CYP4V2: variants seen among roughly 807,000 people sequenced by gnomAD.
CYP4V2 encodes the protein cytochrome P450 4V2.
CYP4V2 carries 55 observed loss-of-function variants against 60.8 expected under a neutral mutation model. The ratio of observed to expected loss-of-function variants is 0.90; its 90% confidence interval spans 0.73 to 1.13. CYP4V2 has a LOEUF of 1.13. CYP4V2 is among the 50% of genes most tolerant of loss of function. The pLI is 0.00. For synonymous variants in CYP4V2, 239 were observed against 236.8 expected (o/e 1.01, Z -0.08); for missense variants, 675 against 662.9 (o/e 1.02, Z -0.20).
At chr4:186,201,044 A>C (rs1736290314) in intron 6 of CYP4V2, 113 bp from the exon 7 acceptor site, 2 of 1,106,026 alleles carry the variant, frequency 1.8e-6, no homozygotes, top group African/African-American at 1.6e-5. Context: ...GAAATGTTGA[A>C]ATAGGCTTAG....
intron 6 of CYP4V2, among the ~76,000 whole-genome samples, chr4:186,200,325 T>G (rs1736270378): frequency 6.6e-6 from 1 of 152,118 alleles, no homozygotes; most frequent in Non-Finnish European, 1.5e-5. Context: ...CCAAATTAAG[T>G]GTATTGGCCT....
intron 4 of CYP4V2, 139 bp downstream of exon 4, chr4:186,197,269 G>A: frequency 9.3e-7 from 1 of 1,078,182 alleles, no homozygotes; most frequent in South Asian, 1.4e-5. Flanking sequence ...CGACCGCACT[G>A]GCCTTCTGAG....
chr4:186,205,099 G>T, intron 7 of CYP4V2, 101 bp from the exon 8 acceptor site: 1 of 1,054,148 alleles, frequency 9.5e-7, no homozygotes. Flanking sequence ...CAGTCACAGT[G>T]CAGTCATCAA....
chr4:186,196,260 A>T, intron 3 of CYP4V2, 172 bp downstream of exon 3: 1 of 665,614 alleles, frequency 1.5e-6, no homozygotes, highest in Non-Finnish European at 2.7e-6. Flanking sequence ...TTTGCCCGTC[A>T]AGAGGCCAAG....
Position 186,195,065 on chromosome 4 carries a change from C to G in CYP4V2, c.327+453C>G, listed in dbSNP as rs967480418. On this transcript the variant is annotated intron_variant, in intron 2 of 10. Transcript: ENST00000378802. This position sits in a 1 kb window ranked among gnomAD's most constrained non-coding sequence, Gnocchi z 4.1. ...ATATTTATGGGATAAATATTACAAA[C>G]CCATGCTGTTGAAATTAGTCCTCCA... Among the ~76,000 whole-genome samples, 1 of 152,062 alleles carries G rather than the reference C, an allele frequency of 6.6e-6. No individual in the cohort carries two copies. Among genetic ancestry groups the G allele is most frequent in the African/African-American group, 2.4e-5 (1 of 41,384 alleles).
At chr4:186,209,319 G>A in intron 10 of CYP4V2, 47 bp downstream of exon 10, 5 of 1,611,268 alleles carry the variant, frequency 3.1e-6, no homozygotes, top group Non-Finnish European at 4.2e-6. Flanking sequence ...CCACTTGATG[G>A]TGGGTTTCTC....
chr4:186,192,012 G>C lies in CYP4V2; in HGVS notation c.189G>C (p.Ala63=). Residue 63 remains alanine (A), a synonymous_variant, in exon 1 of 11, where the codon GCG becomes GCC. Coordinates refer to ENST00000378802, the MANE Select transcript of CYP4V2 (RefSeq NM_207352.4). ...GCGCCTACCCACTGGTGGGCCACGC[G>C]CTGCTGATGAAGCCGGACGGGCGAG... is the stretch of plus-strand genomic sequence containing the variant. The part of the protein sequence containing the change: ...VARAYPLVGH[A]LLMKPDGREF... The C allele has an allele frequency of 6.3e-7, 1 of 1,582,874 alleles. No homozygotes were observed.
Position 186,196,489 on chromosome 4 carries a change from C to T in CYP4V2, c.413+401C>T, listed in dbSNP as rs1273637103. 4 of 309,766 alleles carry T rather than the reference C, an allele frequency of 1.3e-5. No individual in the cohort carries two copies. In the Admixed American group the frequency reaches 1.4e-4, roughly 11 times the overall value. 19.2% of individuals were successfully genotyped at this position (309,766 alleles called of 1,614,324 possible). On this transcript the variant is annotated intron_variant, in intron 3 of 10. Transcript: ENST00000378802. ...TGGTATCTAGAAACAGGGCTCCATC[C>T]TCTGAGAGAGGGCCCCACAAGAGCA...
Position 186,209,125 on chromosome 4 carries a change from G to GT in CYP4V2, c.1259dup (p.Ile421HisfsTer22). 6.2e-7 allele frequency: 1 copy of GT among 1,614,082 alleles called. No individual in the cohort carries two copies. Among genetic ancestry groups the GT allele is most frequent in the Non-Finnish European group, 8.5e-7 (1 of 1,180,018 alleles). Reference sequence around the variant, plus strand: ...CAGAGTTCTAAAAGGCACTGAAGCCGTCATCATTCCCTATGCATTGCACAG... The same window carrying GT: ...CAGAGTTCTAAAAGGCACTGAAGCCGTTCATCATTCCCTATGCATTGCACAG... On this transcript the variant is annotated frameshift_variant, in exon 10 of 11. Coordinates refer to ENST00000378802, the MANE Select transcript of CYP4V2 (RefSeq NM_207352.4). LOFTEE classifies it high-confidence loss of function.
At position 186,191,616 on chromosome 4, in the gene CYP4V2, C is replaced by T. The variant is rs1735979474; in HGVS notation, c.-208C>T. The T allele has an allele frequency of 5.6e-6, 2 of 359,026 alleles. No homozygotes were observed. Among genetic ancestry groups the T allele is most frequent in the Non-Finnish European group, 9.6e-6 (2 of 208,832 alleles). The allele number at this position is 359,026 out of a possible 1,614,324, so 22.2% of individuals were successfully genotyped here. A position where few individuals can be genotyped will look rare whatever the true frequency, so the allele number is the denominator to read the frequency against. Reference sequence around the variant, plus strand: ...GTGGAGGCCGCGGTGCTGCGTAGGCCGGGCCGGGCGCAGGAACAGCCCCGT... The same window carrying T: ...GTGGAGGCCGCGGTGCTGCGTAGGCTGGGCCGGGCGCAGGAACAGCCCCGT... On this transcript the variant is annotated 5_prime_UTR_variant, in exon 1 of 11. Transcript: ENST00000378802.
chr4:186,192,411 T>G, intron 1 of CYP4V2: 1 of 404,168 alleles, frequency 2.5e-6, no homozygotes, highest in Non-Finnish European at 4.8e-6. Flanking sequence ...GCCAACACCT[T>G]AACGCCCAGA....
chr4:186,196,019 C>G lies in CYP4V2; in HGVS notation c.344C>G (p.Ser115Ter). The G allele has an allele frequency of 6.2e-7, 1 of 1,613,612 alleles. No homozygotes were observed. The change falls in exon 3 of 11, where the codon TCA becomes TGA. Residue 115 changes from serine (S) to a stop codon, truncating the protein, a stop_gained. Transcript: ENST00000378802. LOFTEE classifies it high-confidence loss of function. ...CTTCCTAAGGTAATTTTAACTAGTTCAAAGCAAATTGACAAATCCTCTATG... is the reference window on the plus strand; with the variant it reads ...CTTCCTAAGGTAATTTTAACTAGTTGAAAGCAAATTGACAAATCCTCTATG... The part of the protein sequence containing the change: ...AENVEVILTS[S>*]KQIDKSSMYK...
At chr4:186,207,033 A>G (rs1471790163) in intron 8 of CYP4V2, among the ~76,000 whole-genome samples, 4 of 152,220 alleles carry the variant, frequency 2.6e-5, no homozygotes, top group East Asian at 1.9e-4. Context: ...CATCATTACT[A>G]GAAGCTTTGC....
At chr4:186,196,132 C>A in intron 3 of CYP4V2, 44 bp downstream of exon 3, 1 of 1,470,662 alleles carries the variant, frequency 6.8e-7, no homozygotes, top group Non-Finnish European at 9.5e-7. Flanking sequence ...GAAATGGTTA[C>A]TTCTACGTGC....
chr4:186,210,504 C>T lies in CYP4V2; in HGVS notation c.1441C>T (p.Leu481Phe). 1 of 1,614,186 alleles carries T rather than the reference C, an allele frequency of 6.2e-7. No homozygotes were observed. Among genetic ancestry groups the T allele is most frequent in the Non-Finnish European group, 8.5e-7 (1 of 1,180,032 alleles). Residue 481 changes from leucine to phenylalanine, a missense_variant, in exon 11 of 11, where the codon CTT becomes TTT. Physicochemically the swap from Leu to Phe is conservative, Grantham distance 22. Transcript: ENST00000378802. Reference sequence around the variant, plus strand: ...TGCTGTGATGGAAGAAAAGACCATTCTTTCGTGCATCCTGAGGCACTTTTG... The same window carrying T: ...TGCTGTGATGGAAGAAAAGACCATTTTTTCGTGCATCCTGAGGCACTTTTG... ...KFAVMEEKTILSCILRHFWIE... is the reference protein window; with the variant it reads ...KFAVMEEKTIFSCILRHFWIE...
At position 186,195,546 on chromosome 4, in the gene CYP4V2, G is replaced by A. The variant is rs566705043; in HGVS notation, c.328-457G>A. 3.3e-5 allele frequency among the ~76,000 whole-genome samples: 5 copies of A among 152,246 alleles called. No homozygotes were observed. Among genetic ancestry groups the A allele is most frequent in the South Asian group, 4.1e-4 (2 of 4,826 alleles). On this transcript the variant is annotated intron_variant, in intron 2 of 10. Coordinates refer to ENST00000378802, the MANE Select transcript of CYP4V2 (RefSeq NM_207352.4). The surrounding 1 kb of genome is among the most constrained non-coding windows in gnomAD (Gnocchi z 4.1). ...GCTGCCTCTATGCTGGGGACACTCCGAACAGGCATCTCCAGCTCAGGCCTT... is the reference window on the plus strand; with the variant it reads ...GCTGCCTCTATGCTGGGGACACTCCAAACAGGCATCTCCAGCTCAGGCCTT...
At chr4:186,201,807 C>G (rs1388548967) in intron 7 of CYP4V2, 1 of 156,724 alleles carries the variant, frequency 6.4e-6, no homozygotes, top group Non-Finnish European at 1.4e-5. Context: ...GTTCATGATT[C>G]TAAAAAGATC....
intron 6 of CYP4V2, 33 bp downstream of exon 6, chr4:186,199,116 T>C: frequency 6.2e-7 from 1 of 1,601,902 alleles, no homozygotes; most frequent in Non-Finnish European, 8.6e-7. Flanking sequence ...TGTGGTAAAA[T>C]AGACATAACA....
rs191481105 is a variant in CYP4V2 at position 186,205,235 on chromosome 4, C to T, written c.1023C>T (p.Ser341=). Residue 341 remains serine (S), a synonymous_variant, in exon 8 of 11, where the codon TCC becomes TCT. Transcript: ENST00000378802. ...CAACTGCAGCTGCAATAAACTGGTC[C>T]TTATACCTGTTGGGTTCTAACCCAG... is the stretch of plus-strand genomic sequence containing the variant. ...HDTTAAAINW[S]LYLLGSNPEV... 6.2e-7 allele frequency: 1 copy of T among 1,614,230 alleles called. No individual in the cohort carries two copies. Among genetic ancestry groups the T allele is most frequent in the East Asian group, 2.2e-5 (1 of 44,892 alleles).
Sources: gnomAD v4.1 joint callset for allele counts (sites outside exome capture counted in the v4.1 genomes callset) on GRCh38, gnomAD v4.1.1 for gene constraint, Gnocchi (gnomAD v3.1) non-coding constraint, MANE v1.5 for transcripts, NCBI Gene and HGNC (gene_info 2026-07-23, HGNC 2026-07-21) for gene names.